Variants in LIMCH1 observed in about 807,000 individuals in gnomAD.
The protein encoded by LIMCH1 is LIM and calponin homology domains-containing protein 1.
Under a neutral mutation model 176.5 loss-of-function variants are expected in LIMCH1, and 113 were observed. That is an observed-to-expected ratio of 0.64 (90% confidence interval 0.55 to 0.75). The LOEUF (loss-of-function observed/expected upper bound fraction) is 0.75. LIMCH1 is among the 30% of genes least tolerant of loss of function. The pLI is 0.00. For missense variants in LIMCH1, 1,674 were observed against 1,814.9 expected, an observed-to-expected ratio of 0.92 and a Z score of 1.41; for synonymous variants, 619 against 645.9, an observed-to-expected ratio of 0.96 and a Z score of 0.63.
intron 1 of LIMCH1, among the ~76,000 whole-genome samples, chr4:41,411,559 C>G (rs1320704825): frequency 6.6e-6 from 1 of 152,026 alleles, no homozygotes; most frequent in Non-Finnish European, 1.5e-5. Flanking sequence ...GCAACCAAAC[C>G]TGACTTTTTC....
intron 1 of LIMCH1, among the ~76,000 whole-genome samples, chr4:41,574,842 C>T (rs1259568481): frequency 7.9e-5 from 12 of 152,152 alleles, no homozygotes; most frequent in South Asian, 2.1e-4. Context: ...ACTTGCTGGC[C>T]GTATGACCTT....
At position 41,613,483 on chromosome 4, in the gene LIMCH1, A is replaced by G; in HGVS notation, c.27A>G (p.Glu9=). The G allele has an allele frequency of 6.2e-7, 1 of 1,613,970 alleles. No homozygotes were observed. Among genetic ancestry groups the G allele is most frequent in the East Asian group, 2.2e-5 (1 of 44,860 alleles). The change falls in exon 5 of 32, where the codon GAA becomes GAG. Residue 9 remains glutamate (E), a synonymous_variant. Coordinates refer to ENST00000503057, the MANE Select transcript of LIMCH1 (RefSeq NM_001330672.2). The part of the protein sequence containing the change: MRKDTDDI[E]SPKRSIRDSG... Reference sequence around the variant, plus strand: ...TTTGACAGGACACTGATGACATTGAAAGTCCTAAACGCAGTATCCGAGACA... The same window carrying G: ...TTTGACAGGACACTGATGACATTGAGAGTCCTAAACGCAGTATCCGAGACA...
chr4:41,544,270 A>G (rs34552168), intron 1 of LIMCH1, among the ~76,000 whole-genome samples: 27,080 of 152,174 alleles, frequency 0.18, 2,747 homozygotes, highest in African/African-American at 0.27. Flanking sequence ...GACTGTGAAC[A>G]TTCTTGAACC....
At chr4:41,392,841 G>C (rs2057393762) in intron 1 of LIMCH1, among the ~76,000 whole-genome samples, 1 of 151,990 alleles carries the variant, frequency 6.6e-6, no homozygotes, top group Non-Finnish European at 1.5e-5. Context: ...GACCAGCCTG[G>C]GCAACATGGT....
At chr4:41,622,765 G>C (rs1208985287) in intron 7 of LIMCH1, among the ~76,000 whole-genome samples, 2 of 152,170 alleles carry the variant, frequency 1.3e-5, no homozygotes, top group Non-Finnish European at 2.9e-5. Context: ...TTCCATTCAT[G>C]TTTCCTGTTA....
chr4:41,422,693 G>T (rs1436947751), intron 1 of LIMCH1, among the ~76,000 whole-genome samples: 1 of 152,166 alleles, frequency 6.6e-6, no homozygotes, highest in Non-Finnish European at 1.5e-5. Flanking sequence ...TTTAGCTTGT[G>T]TGGCCAGATT....
intron 1 of LIMCH1, among the ~76,000 whole-genome samples, chr4:41,447,073 A>C (rs1265072090): frequency 1.3e-5 from 2 of 152,124 alleles, no homozygotes; most frequent in East Asian, 1.9e-4. Flanking sequence ...TACTAAAAAT[A>C]TAAAAAATTA....
exon 2 of LIMCH1, chr4:41,494,594 T>A (rs2071724732): frequency 6.2e-7 from 1 of 1,610,474 alleles, no homozygotes; most frequent in African/African-American, 1.3e-5. Context: ...GAAAATGGAA[T>A]CCTCCTCTGC....
chr4:41,663,928 A>G (rs7658771), intron 20 of LIMCH1, among the ~76,000 whole-genome samples: 93,108 of 150,302 alleles, frequency 0.62, 30,377 homozygotes, highest in African/African-American at 0.82. Flanking sequence ...GTAATTCCAG[A>G]TACTGTGGAG....
chr4:41,615,966 G>T (rs1426952515), intron 5 of LIMCH1, among the ~76,000 whole-genome samples: 1 of 152,082 alleles, frequency 6.6e-6, no homozygotes, highest in Non-Finnish European at 1.5e-5. Context: ...TAGATCCCAG[G>T]GTTGATTCAA....
intron 1 of LIMCH1, among the ~76,000 whole-genome samples, chr4:41,581,415 T>G (rs1460445088): frequency 6.6e-6 from 1 of 152,160 alleles, no homozygotes; most frequent in African/African-American, 2.4e-5. Flanking sequence ...TACATCTTAT[T>G]ACTGATTATG....
chr4:41,416,808 CA>C (rs147875765), intron 1 of LIMCH1, among the ~76,000 whole-genome samples: 181 of 152,158 alleles, frequency 1.2e-3, no homozygotes, highest in African/African-American at 4.1e-3. Context: ...CTGGTCTAGG[CA>C]AACCTATCCC....
At chr4:41,624,313 G>A (rs976939679) in intron 7 of LIMCH1, among the ~76,000 whole-genome samples, 2 of 151,994 alleles carry the variant, frequency 1.3e-5, no homozygotes, top group Admixed American at 6.6e-5. Flanking sequence ...GGGTGTGGGG[G>A]CGTAAAAAAA....
intron 5 of LIMCH1, among the ~76,000 whole-genome samples, chr4:41,617,935 C>CA (rs2092264725): frequency 6.6e-6 from 1 of 152,140 alleles, no homozygotes; most frequent in African/African-American, 2.4e-5. Flanking sequence ...CTGGTTCTTC[C>CA]AACAGCTATG....
chr4:41,452,498 C>T (rs530577385), intron 1 of LIMCH1, among the ~76,000 whole-genome samples: 3 of 152,298 alleles, frequency 2.0e-5, no homozygotes, highest in Admixed American at 2.0e-4. Flanking sequence ...GTTTCAGTTC[C>T]CTGCATCCTC....
chr4:41,370,338 A>T (rs1365352460), intron 1 of LIMCH1, among the ~76,000 whole-genome samples: 1 of 152,116 alleles, frequency 6.6e-6, no homozygotes, highest in East Asian at 1.9e-4. Flanking sequence ...AAGAATTTTT[A>T]TTATAGTGGT....
At chr4:41,433,268 T>C (rs762818438) in intron 1 of LIMCH1, among the ~76,000 whole-genome samples, 2 of 152,230 alleles carry the variant, frequency 1.3e-5, no homozygotes, top group African/African-American at 2.4e-5. Context: ...TCTGTCTTAC[T>C]GCTGTGCTGT....
chr4:41,666,757 A>G, intron 21 of LIMCH1, 91 bp downstream of exon 21: 2 of 835,690 alleles, frequency 2.4e-6, no homozygotes, highest in South Asian at 1.5e-5. Flanking sequence ...TACGTCCTTT[A>G]TGTTGCTATT....
intron 4 of LIMCH1, chr4:41,612,851 CTTTTTTTTTT>C (rs61338165): frequency 1.0e-6 from 1 of 978,730 alleles, no homozygotes; most frequent in African/African-American, 1.8e-5. Context: ...CATTGCCTTT[CTTTTTTTTTT>C]TTTTTTTTTA....
Sources: gnomAD v4.1 joint callset for allele counts (sites outside exome capture counted in the v4.1 genomes callset) on GRCh38, gnomAD v4.1.1 for gene constraint, MANE v1.5 for transcripts, NCBI Gene and HGNC (gene_info 2026-07-23, HGNC 2026-07-21) for gene names.